COL5A2: variants seen among roughly 807,000 people sequenced by gnomAD.
The protein encoded by COL5A2 is collagen type V alpha 2 chain.
In COL5A2, 23 loss-of-function variants were observed where a neutral mutation model predicts 208.2. The observed-to-expected ratio is 0.11, with a 90% CI of 0.08 to 0.16. The LOEUF is 0.16. COL5A2 is among the 10% of genes least tolerant of loss of function. The pLI, the probability that COL5A2 is intolerant of heterozygous loss-of-function variation, is 1.00. For missense variants in COL5A2, 1,590 were observed against 1,956.4 expected (o/e 0.81, Z 3.53); for synonymous variants, 625 against 628.5 (o/e 0.99, Z 0.08).
chr2:189,053,433 G>A lies in COL5A2; in HGVS notation c.2544C>T (p.Ala848=), dbSNP rs370774253. 77 of 1,613,362 alleles carry A rather than the reference G, an allele frequency of 4.8e-5. No individual in the cohort carries two copies. In the East Asian group the frequency reaches 5.6e-4, roughly 12 times the overall value. ...TATTTGAAAATTATACCTGGGGTCC[G>A]GCAAAACCAACAGCTCCAGTTGGCC... ...ENGPTGAVGF[A]GPQGPDGQPG... The change falls in exon 38 of 54, where the codon GCC becomes GCT. Residue 848 remains alanine (A), a synonymous_variant. Transcript: ENST00000374866.
Position 189,051,505 on chromosome 2 carries a change from C to T in COL5A2, c.2770-24G>A, listed in dbSNP as rs375940525. 184 of 1,585,066 alleles carry T rather than the reference C, an allele frequency of 1.2e-4. 1 individual carries two copies. The highest frequency in any genetic ancestry group is 1.5e-4 in the Non-Finnish European group (175 of 1,168,888). On this transcript the variant is annotated intron_variant, in intron 41 of 53. Transcript: ENST00000374866. ...CCCTAGTATAACAAAGAAAGAAACA[C>T]CAAGGAGGGCAAAATGGAAGGCAAG...
intron 1 of COL5A2, among the ~76,000 whole-genome samples, chr2:189,192,658 GAAC>G (rs1688945270): frequency 6.6e-6 from 1 of 152,130 alleles, no homozygotes; most frequent in South Asian, 2.1e-4. Context: ...GCTTAAGTAT[GAAC>G]AATATGAAGT....
At chr2:189,129,798 G>A (rs1266946595) in intron 1 of COL5A2, among the ~76,000 whole-genome samples, 1 of 152,058 alleles carries the variant, frequency 6.6e-6, no homozygotes, top group Non-Finnish European at 1.5e-5. Context: ...TAAAGACTGT[G>A]TGGTGGGAGG....
chr2:189,429,348 T>C, the COL5A2 span, among the ~76,000 whole-genome samples: 3 of 152,202 alleles, frequency 2.0e-5, no homozygotes, highest in African/African-American at 7.2e-5. Context: ...TCCCAAATTC[T>C]TATGTGGGAG....
chr2:189,407,103 C>G, the COL5A2 span, among the ~76,000 whole-genome samples: 2 of 152,054 alleles, frequency 1.3e-5, no homozygotes, highest in Non-Finnish European at 2.9e-5. Context: ...GTGGCTGTAT[C>G]TCAGAAGGTG....
At chr2:189,098,289 A>G (rs1373449096) in intron 5 of COL5A2, among the ~76,000 whole-genome samples, 3 of 152,218 alleles carry the variant, frequency 2.0e-5, no homozygotes, top group Non-Finnish European at 4.4e-5. Flanking sequence ...ACTTGAAAAA[A>G]TTAATCTTTT....
At chr2:189,191,532 T>C (rs1688930525) in intron 1 of COL5A2, among the ~76,000 whole-genome samples, 1 of 151,908 alleles carries the variant, frequency 6.6e-6, no homozygotes, top group African/African-American at 2.4e-5. Flanking sequence ...TCCCAGCTAC[T>C]TGGGAGGCTG....
the COL5A2 span, among the ~76,000 whole-genome samples, chr2:189,369,357 C>CATTT: frequency 2.6e-5 from 4 of 151,972 alleles, no homozygotes; most frequent in Admixed American, 2.6e-4. Flanking sequence ...TTTTAGTTTG[C>CATTT]ATTTGATTAT....
chr2:189,108,785 G>A (rs1687200784), intron 2 of COL5A2, among the ~76,000 whole-genome samples: 1 of 151,558 alleles, frequency 6.6e-6, no homozygotes, highest in African/African-American at 2.4e-5. Flanking sequence ...TTTAAAAATT[G>A]TAATTCATTA....
the COL5A2 span, among the ~76,000 whole-genome samples, chr2:189,398,225 A>T: frequency 6.6e-6 from 1 of 152,072 alleles, no homozygotes; most frequent in Non-Finnish European, 1.5e-5. Flanking sequence ...CAAGCTATGG[A>T]AAATGTTTTA....
intron 1 of COL5A2, among the ~76,000 whole-genome samples, chr2:189,213,689 T>C (rs1303609651): frequency 6.6e-6 from 1 of 152,148 alleles, no homozygotes; most frequent in East Asian, 1.9e-4. Context: ...TTAAGAGACA[T>C]ACCATCCTAA....
chr2:189,162,950 A>G (rs765845059), intron 1 of COL5A2, among the ~76,000 whole-genome samples: 3 of 152,186 alleles, frequency 2.0e-5, no homozygotes. Context: ...AGGAATATCA[A>G]TGGAATAAAT....
At chr2:189,161,001 T>C (rs1041326859) in intron 1 of COL5A2, among the ~76,000 whole-genome samples, 20 of 151,656 alleles carry the variant, frequency 1.3e-4, no homozygotes, top group Non-Finnish European at 1.5e-5. Context: ...CGGCTAATTT[T>C]GTATTTTTAG....
chr2:189,034,994 G>A lies in COL5A2; in HGVS notation c.4275C>T (p.Leu1425=). ...TGATATCTAAGTCATTTGCCCCTTT[G>A]AGAACCACAGCTTTTTTGAGGTTCT... is the stretch of plus-strand genomic sequence containing the variant. ...QAKNLKKAVV[L]KGANDLDIKA... Residue 1425 remains leucine, a synonymous_variant, in exon 53 of 54, where the codon CTC becomes CTT. Coordinates refer to ENST00000374866, the MANE Select transcript of COL5A2 (RefSeq NM_000393.5). 6.2e-7 allele frequency: 1 copy of A among 1,613,824 alleles called. No individual in the cohort carries two copies.
At chr2:189,191,140 T>TAAAAA (rs61294032) in intron 1 of COL5A2, among the ~76,000 whole-genome samples, 6 of 118,776 alleles carry the variant, frequency 5.1e-5, no homozygotes, top group South Asian at 3.0e-4. Flanking sequence ...AGGGAAACCA[T>TAAAAA]AAAAAAAAAA....
At chr2:189,379,191 A>G in the COL5A2 span, among the ~76,000 whole-genome samples, 1 of 152,178 alleles carries the variant, frequency 6.6e-6, no homozygotes, top group Admixed American at 6.5e-5. Context: ...CATATGTCCT[A>G]AAGGACCAGA....
Position 189,060,740 on chromosome 2 carries a change from G to C in COL5A2, c.2075C>G (p.Pro692Arg), listed in dbSNP as rs863223492. 5 of 1,613,154 alleles carry C rather than the reference G, an allele frequency of 3.1e-6. No homozygotes were observed. The highest frequency in any genetic ancestry group is 4.2e-6 in the Non-Finnish European group (5 of 1,179,188). Reference protein sequence around the residue: ...PPGPPGEGGKPGDQGVPGDPG... With the variant: ...PPGPPGEGGKRGDQGVPGDPG... ...TATTTAAACACTTACTTGATCACCT[G>C]GTTTTCCACCTTCTCCAGGAGGCCC... Residue 692 changes from proline (P) to arginine (R), a missense_variant, in exon 31 of 54, where the codon CCA becomes CGA. Physicochemically the swap from Pro to Arg is moderately radical, Grantham distance 103 (BLOSUM62 -2). Coordinates refer to ENST00000374866, the MANE Select transcript of COL5A2 (RefSeq NM_000393.5).
the COL5A2 span, among the ~76,000 whole-genome samples, chr2:189,344,001 C>T: frequency 6.6e-6 from 1 of 152,138 alleles, no homozygotes; most frequent in Admixed American, 6.6e-5. Context: ...ATCATGTGAA[C>T]TTGAAAATTG....
chr2:189,349,293 CAACA>C, the COL5A2 span, among the ~76,000 whole-genome samples: 1 of 152,068 alleles, frequency 6.6e-6, no homozygotes, highest in Admixed American at 6.6e-5. Flanking sequence ...TGGTTTTTTC[CAACA>C]AACAAACTGA....
Sources: gnomAD v4.1 joint callset for allele counts (sites outside exome capture counted in the v4.1 genomes callset) on GRCh38, gnomAD v4.1.1 for gene constraint, MANE v1.5 for transcripts, NCBI Gene and HGNC (gene_info 2026-07-23, HGNC 2026-07-21) for gene names.